TMEM132C: variants seen among roughly 807,000 people sequenced by gnomAD.
TMEM132C encodes the protein transmembrane protein 132C.
TMEM132C carries 29 observed loss-of-function variants against 61.4 expected under a neutral mutation model. The ratio of observed to expected loss-of-function variants is 0.47; its 90% confidence interval spans 0.35 to 0.64. The LOEUF (loss-of-function observed/expected upper bound fraction) is 0.64. Among genes scored for constraint, TMEM132C ranks in the 30% least tolerant of loss-of-function variants. TMEM132C has a pLI of 0.00. For missense variants in TMEM132C, 1,408 were observed against 1,476.9 expected (o/e 0.95, Z 0.76); for synonymous variants, 656 against 633.1 (o/e 1.04, Z -0.54).
At chr12:128,315,218 T>C (rs977418427) in intron 1 of TMEM132C, among the ~76,000 whole-genome samples, 9 of 152,024 alleles carry the variant, frequency 5.9e-5, no homozygotes, top group African/African-American at 2.2e-4. Context: ...ACAAGAGAGC[T>C]TGGAGCTTTC....
chr12:128,284,501 A>G (rs900078983), intron 1 of TMEM132C, among the ~76,000 whole-genome samples: 5 of 152,214 alleles, frequency 3.3e-5, no homozygotes, highest in Non-Finnish European at 5.9e-5. Flanking sequence ...TGACCACCAC[A>G]CTGTGAGTGC....
At chr12:128,645,479 C>T (rs748342931) in intron 4 of TMEM132C, among the ~76,000 whole-genome samples, 3 of 152,126 alleles carry the variant, frequency 2.0e-5, no homozygotes, top group African/African-American at 4.8e-5. Context: ...ATTCTTCTCT[C>T]GCTTGAGTTA....
intron 1 of TMEM132C, among the ~76,000 whole-genome samples, chr12:128,335,838 A>T (rs1464310184): frequency 6.6e-6 from 1 of 152,216 alleles, no homozygotes; most frequent in East Asian, 1.9e-4. Flanking sequence ...AACCCAGGAC[A>T]AATGGAGAAA....
intron 1 of TMEM132C, among the ~76,000 whole-genome samples, chr12:128,283,595 CTGTCTACTGTTCTG>C (rs1332124705): frequency 6.6e-6 from 1 of 152,122 alleles, no homozygotes; most frequent in Non-Finnish European, 1.5e-5. Flanking sequence ...CTACTGTTCT[CTGTCTACTGTTCTG>C]TGTCTATCTA....
At chr12:128,611,504 C>T (rs904670027) in intron 3 of TMEM132C, among the ~76,000 whole-genome samples, 3 of 152,188 alleles carry the variant, frequency 2.0e-5, no homozygotes, top group Admixed American at 6.5e-5. Flanking sequence ...GCTCCAGCCC[C>T]ATGCCCACTG....
chr12:128,515,314 G>A (rs1244319538), intron 2 of TMEM132C, among the ~76,000 whole-genome samples: 1 of 152,206 alleles, frequency 6.6e-6, no homozygotes, highest in Non-Finnish European at 1.5e-5. Context: ...CCGTAATAAT[G>A]GGAGGATGTG....
At chr12:128,280,953 G>A (rs1045393740) in intron 1 of TMEM132C, among the ~76,000 whole-genome samples, 4 of 151,996 alleles carry the variant, frequency 2.6e-5, no homozygotes, top group Admixed American at 6.6e-5. Flanking sequence ...GAAAAATGTG[G>A]GTGTTGTTAC....
At chr12:128,358,007 G>A (rs989835073) in intron 1 of TMEM132C, among the ~76,000 whole-genome samples, 2 of 152,084 alleles carry the variant, frequency 1.3e-5, no homozygotes, top group Admixed American at 1.3e-4. Flanking sequence ...TTTTGTGTCG[G>A]CATCATTGTT....
At chr12:128,571,840 T>C (rs533444967) in intron 3 of TMEM132C, among the ~76,000 whole-genome samples, 5 of 152,358 alleles carry the variant, frequency 3.3e-5, no homozygotes, top group South Asian at 4.1e-4. Flanking sequence ...CTGACTCCAC[T>C]TAGAGGCAGA....
At chr12:128,414,180 A>T (rs750478326) in intron 1 of TMEM132C, among the ~76,000 whole-genome samples, 1 of 152,180 alleles carries the variant, frequency 6.6e-6, no homozygotes, top group Non-Finnish European at 1.5e-5. Context: ...TGACCCCAGG[A>T]GTTCAAGACC....
At chr12:128,271,688 G>A (rs142877802) in intron 1 of TMEM132C, among the ~76,000 whole-genome samples, 1 of 152,232 alleles carries the variant, frequency 6.6e-6, no homozygotes, top group South Asian at 2.1e-4. Flanking sequence ...CTGCTCACTC[G>A]CCTGACCCTT....
intron 2 of TMEM132C, among the ~76,000 whole-genome samples, chr12:128,467,495 A>G (rs1593063851): frequency 6.6e-6 from 1 of 152,248 alleles, no homozygotes; most frequent in Non-Finnish European, 1.5e-5. Context: ...GTTATGGATG[A>G]TTGTGAGCCA....
intron 1 of TMEM132C, among the ~76,000 whole-genome samples, chr12:128,396,759 G>A (rs1015579035): frequency 1.3e-5 from 2 of 152,164 alleles, no homozygotes; most frequent in Admixed American, 1.3e-4. Context: ...TCACAGCTAG[G>A]AAGTGGCCAG....
chr12:128,447,190 TG>T (rs1870010212), intron 2 of TMEM132C, among the ~76,000 whole-genome samples: 1 of 152,176 alleles, frequency 6.6e-6, no homozygotes, highest in Admixed American at 6.5e-5. Flanking sequence ...CTCCTGCGCC[TG>T]TGTCCACTTA....
chr12:128,271,560 T>C (rs1226501511), intron 1 of TMEM132C, among the ~76,000 whole-genome samples: 2 of 152,198 alleles, frequency 1.3e-5, no homozygotes, highest in Non-Finnish European at 2.9e-5. Context: ...CCAACTTCTC[T>C]CAAAAGTGTC....
chr12:128,597,562 GA>G lies in TMEM132C; in HGVS notation c.1122-18588del, dbSNP rs1251723301. Among the ~76,000 whole-genome samples the G allele has an allele frequency of 7.2e-5, 11 of 152,178 alleles. No individual in the cohort carries two copies. In the East Asian group the frequency reaches 2.1e-3, roughly 29 times the overall value. ...GATTAAGCTGGAAGCTAGAACAAAG[GA>G]ACATAGATTCATTATCTTATTATTA... On this transcript the variant is annotated intron_variant, in intron 3 of 8. Coordinates refer to ENST00000435159, the MANE Select transcript of TMEM132C (RefSeq NM_001136103.3).
At chr12:128,610,074 C>T (rs1876579555) in intron 3 of TMEM132C, among the ~76,000 whole-genome samples, 2 of 152,226 alleles carry the variant, frequency 1.3e-5, no homozygotes, top group South Asian at 2.1e-4. Context: ...CCAGAAAGCC[C>T]TCAGATGTGA....
chr12:128,417,717 T>C (rs1868828736), intron 2 of TMEM132C, among the ~76,000 whole-genome samples: 1 of 152,202 alleles, frequency 6.6e-6, no homozygotes, highest in African/African-American at 2.4e-5. Context: ...GCACTGAAAC[T>C]TCTCTGTCAA....
Position 128,500,371 on chromosome 12 carries a change from G to A in TMEM132C, c.975-43586G>A, listed in dbSNP as rs144264959. Among the ~76,000 whole-genome samples, 302 of 152,002 alleles carry A rather than the reference G, an allele frequency of 2.0e-3. 1 individual carries two copies. The highest frequency in any genetic ancestry group is 7.0e-3 in the African/African-American group (292 of 41,444). On this transcript the variant is annotated intron_variant, in intron 2 of 8. Coordinates refer to ENST00000435159, the MANE Select transcript of TMEM132C (RefSeq NM_001136103.3). The stretch of plus-strand genomic sequence containing the variant: ...AGATTTCATTAAAATTTTTTTAATT[G>A]TTCTTCCAAGAACCCTATCAAGAAA...
Sources: gnomAD v4.1 joint callset for allele counts (sites outside exome capture counted in the v4.1 genomes callset) on GRCh38, gnomAD v4.1.1 for gene constraint, MANE v1.5 for transcripts, NCBI Gene and HGNC (gene_info 2026-07-23, HGNC 2026-07-21) for gene names.